The following CCDC134 variants were observed in gnomAD, a reference collection of about 807,000 sequenced individuals.
CCDC134 encodes the protein coiled-coil domain-containing protein 134.
In CCDC134, 27 loss-of-function variants were observed where a neutral mutation model predicts 25.6. That is an observed-to-expected ratio of 1.05 (90% CI 0.78 to 1.45). The LOEUF is 1.45. Ranked by LOEUF, CCDC134 falls within the 40% of genes most tolerant of loss-of-function variation. The probability of loss-of-function intolerance (pLI) is 0.00; values close to 1 mark genes in which losing one functional copy is unlikely to be tolerated. For missense variants in CCDC134, 261 were observed against 286.7 expected (o/e 0.91, Z 0.65); for synonymous variants, 110 against 115.0 (o/e 0.96, Z 0.28).
chr22:41,806,214 ATTTT>A (rs60425249), intron 1 of CCDC134, among the ~76,000 whole-genome samples: 2 of 121,000 alleles, frequency 1.7e-5, no homozygotes, highest in African/African-American at 3.8e-5. Flanking sequence ...TAGGCGACTA[ATTTT>A]TTTTTTTTTT....
rs999724986 is a variant in CCDC134 at position 41,829,767 on chromosome 22, C to A, written c.*3944C>A. ...CCAGTCTAATCCATCCCTTTTCTTT[C>A]TTTCTTTCTTTTTTTTCTTTTTTTT... On this transcript the variant is annotated 3_prime_UTR_variant, in exon 7 of 7. Coordinates refer to ENST00000255784, the MANE Select transcript of CCDC134 (RefSeq NM_024821.5). 6.6e-6 allele frequency among the ~76,000 whole-genome samples: 1 copy of A among 152,006 alleles called. No individual in the cohort carries two copies. The highest frequency in any genetic ancestry group is 1.5e-5 in the Non-Finnish European group (1 of 67,972).
intron 4 of CCDC134, among the ~76,000 whole-genome samples, chr22:41,813,011 C>T (rs1158985184): frequency 6.6e-6 from 1 of 152,222 alleles, no homozygotes; most frequent in African/African-American, 2.4e-5. Context: ...TGCTGAGCCT[C>T]AGTTTCCCAT....
intron 4 of CCDC134, 66 bp from the exon 5 acceptor site, chr22:41,813,198 G>A (rs767167937): frequency 1.3e-6 from 2 of 1,524,306 alleles, no homozygotes; most frequent in Non-Finnish European, 1.8e-6. Flanking sequence ...TCTAGAGGAT[G>A]CCAGGGGCCA....
chr22:41,820,980 T>C (rs1270811568), intron 6 of CCDC134, among the ~76,000 whole-genome samples: 1 of 151,918 alleles, frequency 6.6e-6, no homozygotes, highest in Non-Finnish European at 1.5e-5. Context: ...GGGATGGGGC[T>C]GGAGATAGAG....
Position 41,816,134 on chromosome 22 carries a change from G to T in CCDC134, c.564+2312G>T, listed in dbSNP as rs576467346. 2.0e-5 allele frequency among the ~76,000 whole-genome samples: 3 copies of T among 152,284 alleles called. No homozygotes were observed. In the South Asian group the frequency reaches 6.2e-4, roughly 32 times the overall value. On this transcript the variant is annotated intron_variant, in intron 6 of 6. Coordinates refer to ENST00000255784, the MANE Select transcript of CCDC134 (RefSeq NM_024821.5). ...ATGTTACTGCCAATAAGTACAGGGG[G>T]CAATAGATGGACCCAAGCAACCCTC...
At position 41,831,035 on chromosome 22, in the gene CCDC134, A is replaced by G. The variant is rs4822057; in HGVS notation, c.*5212A>G. Among the ~76,000 whole-genome samples the G allele has an allele frequency of 0.12, 18,143 of 151,128 alleles. 1,619 individuals are homozygous for G. The highest frequency in any genetic ancestry group is 0.31 in the Admixed American group (4,744 of 15,200). On this transcript the variant is annotated 3_prime_UTR_variant, in exon 7 of 7. Coordinates refer to ENST00000255784, the MANE Select transcript of CCDC134 (RefSeq NM_024821.5). The stretch of plus-strand genomic sequence containing the variant: ...TGAGTAGCTGGGATTACAGGCATGC[A>G]CCATCACGCCTGGCTAATTTTTGTA...
chr22:41,830,884 C>CTTTTTTTTTTTTTTTTTTTTT lies in CCDC134; in HGVS notation c.*5063_*5083dup, dbSNP rs67246997. 4.8e-4 allele frequency among the ~76,000 whole-genome samples: 56 copies of CTTTTTTTTTTTTTTTTTTTTT among 117,254 alleles called. No individual in the cohort carries two copies. Among genetic ancestry groups the CTTTTTTTTTTTTTTTTTTTTT allele is most frequent in the East Asian group, 9.2e-4 (4 of 4,338 alleles). The allele number at this position is 117,254 out of a possible 152,430, so 76.9% of individuals were successfully genotyped here. ...AGATCCTTATTTTTTCTTTTCTTTT[C>CTTTTTTTTTTTTTTTTTTTTT]TTTTTTTTTTTTTTTTTTTTTTGAG... On this transcript the variant is annotated 3_prime_UTR_variant, in exon 7 of 7. Transcript: ENST00000255784.
At position 41,809,858 on chromosome 22, in the gene CCDC134, CCTTAA is replaced by C. The variant is rs1356121626; in HGVS notation, c.104-15_104-11del. On this transcript the variant is annotated splice_polypyrimidine_tract_variant and intron_variant, in intron 2 of 6. Coordinates refer to ENST00000255784, the MANE Select transcript of CCDC134 (RefSeq NM_024821.5). Reference sequence around the variant, plus strand: ...CCAGGCAGGGCTATTGATGCCAGCCCCTTAACTTAATTCTGCCCAGACAAGAAGAT... The same window carrying C: ...CCAGGCAGGGCTATTGATGCCAGCCCCTTAATTCTGCCCAGACAAGAAGAT... 2 of 1,613,858 alleles carry C rather than the reference CCTTAA, an allele frequency of 1.2e-6. No homozygotes were observed. The highest frequency in any genetic ancestry group is 1.7e-6 in the Non-Finnish European group (2 of 1,179,936).
chr22:41,804,444 A>C (rs2076558524), intron 1 of CCDC134, among the ~76,000 whole-genome samples: 1 of 152,222 alleles, frequency 6.6e-6, no homozygotes, highest in African/African-American at 2.4e-5. Context: ...TCCAGTATAC[A>C]AGTAGATAAT....
chr22:41,820,385 C>T (rs1417706297), intron 6 of CCDC134, among the ~76,000 whole-genome samples: 5 of 151,632 alleles, frequency 3.3e-5, no homozygotes, highest in African/African-American at 4.8e-5. Context: ...CCACAACCTC[C>T]GCCTCCCAGA....
At chr22:41,810,070 G>C in intron 3 of CCDC134, 70 bp downstream of exon 3, 2 of 1,604,996 alleles carry the variant, frequency 1.2e-6, no homozygotes, top group Non-Finnish European at 1.7e-6. Flanking sequence ...GTAAACAGGA[G>C]TTCCCTAACG....
Position 41,825,828 on chromosome 22 carries a change from G to C in CCDC134, c.*5G>C. 5.6e-6 allele frequency: 9 copies of C among 1,613,946 alleles called. No homozygotes were observed. Among genetic ancestry groups the C allele is most frequent in the Non-Finnish European group, 7.6e-6 (9 of 1,179,878 alleles). ...AGATCCCAGTCTGAGTTATAGCCCTGGAGCAGCTCAGGGCTCAGGGGGCCA... is the reference window on the plus strand; with the variant it reads ...AGATCCCAGTCTGAGTTATAGCCCTCGAGCAGCTCAGGGCTCAGGGGGCCA... On this transcript the variant is annotated 3_prime_UTR_variant, in exon 7 of 7. Transcript: ENST00000255784. The surrounding 1 kb of genome is among the most constrained non-coding windows in gnomAD (Gnocchi z 4.4).
At chr22:41,813,503 C>T in intron 5 of CCDC134, 58 bp downstream of exon 5, 1 of 1,577,412 alleles carries the variant, frequency 6.3e-7, no homozygotes, top group Non-Finnish European at 8.7e-7. Context: ...GACTAGGATC[C>T]TCACATCTGC....
Position 41,828,124 on chromosome 22 carries a change from A to G in CCDC134, c.*2301A>G, listed in dbSNP as rs2076688259. Among the ~76,000 whole-genome samples, 1 of 152,150 alleles carries G rather than the reference A, an allele frequency of 6.6e-6. No individual in the cohort carries two copies. The highest frequency in any genetic ancestry group is 2.4e-5 in the African/African-American group (1 of 41,420). On this transcript the variant is annotated 3_prime_UTR_variant, in exon 7 of 7. Coordinates refer to ENST00000255784, the MANE Select transcript of CCDC134 (RefSeq NM_024821.5). ...CTCTGTCATTAGCAGGATTTGTATA[A>G]TTTGAAGCAGAGCTGGGCAACTGCA...
In CCDC134 at chr22:41,808,860, G is replaced by A. The variant is rs754418819; in HGVS notation, c.-16-15G>A. ...TCTCTGAGTCTCACTCTCTTTCTTT[G>A]GGTTATTCTTCCAGCTCAAGAGGTT... On this transcript the variant is annotated splice_polypyrimidine_tract_variant and intron_variant, in intron 1 of 6. Transcript: ENST00000255784. 1 of 1,569,876 alleles carries A rather than the reference G, an allele frequency of 6.4e-7. No homozygotes were observed. The highest frequency in any genetic ancestry group is 1.7e-5 in the Admixed American group (1 of 59,946).
At chr22:41,822,736 C>T (rs1010777796) in intron 6 of CCDC134, among the ~76,000 whole-genome samples, 7 of 152,148 alleles carry the variant, frequency 4.6e-5, no homozygotes, top group Admixed American at 1.3e-4. Flanking sequence ...CCCAGCTCCC[C>T]GTCTTAAGTG....
chr22:41,805,793 T>C (rs2076564929), intron 1 of CCDC134, among the ~76,000 whole-genome samples: 1 of 151,968 alleles, frequency 6.6e-6, no homozygotes, highest in African/African-American at 2.4e-5. Flanking sequence ...TTATAATAGC[T>C]GGGCATGGTG....
chr22:41,822,847 A>G (rs2076658807), intron 6 of CCDC134, among the ~76,000 whole-genome samples: 1 of 152,248 alleles, frequency 6.6e-6, no homozygotes, highest in African/African-American at 2.4e-5. Context: ...GGCCTACCAC[A>G]TGCTATGTGA....
Position 41,813,260 on chromosome 22 carries a change from C to T in CCDC134, c.311-4C>T, listed in dbSNP as rs1394179989. 5.0e-6 allele frequency: 8 copies of T among 1,614,010 alleles called. No individual in the cohort carries two copies. In the South Asian group the frequency reaches 6.6e-5, roughly 13 times the overall value. On this transcript the variant is annotated splice_region_variant and splice_polypyrimidine_tract_variant and intron_variant, in intron 4 of 6. Transcript: ENST00000255784. Reference sequence around the variant, plus strand: ...CTGGCCACTCATCAGGGTCCTCTCGCCAGCTTTCTCCCACGTGGTGGAGAA... The same window carrying T: ...CTGGCCACTCATCAGGGTCCTCTCGTCAGCTTTCTCCCACGTGGTGGAGAA...
Sources: gnomAD v4.1 joint callset for allele counts (sites outside exome capture counted in the v4.1 genomes callset) on GRCh38, gnomAD v4.1.1 for gene constraint, Gnocchi (gnomAD v3.1) non-coding constraint, MANE v1.5 for transcripts, NCBI Gene and HGNC (gene_info 2026-07-23, HGNC 2026-07-21) for gene names.